SKAP2: variants seen among roughly 807,000 people sequenced by gnomAD.
SKAP2 encodes src kinase-associated phosphoprotein 2.
SKAP2 carries 28 observed loss-of-function variants against 54.9 expected under a neutral mutation model. That is an observed-to-expected ratio of 0.51 (90% CI 0.38 to 0.70). SKAP2 has a LOEUF of 0.70. SKAP2 is among the 30% of genes least tolerant of loss of function. SKAP2 has a pLI of 0.00. For synonymous variants in SKAP2, 137 were observed against 134.3 expected, an observed-to-expected ratio of 1.02 and a Z score of -0.14; for missense variants, 356 against 424.1, an observed-to-expected ratio of 0.84 and a Z score of 1.41.
At chr7:26,855,223 G>A in intron 1 of SKAP2, 1 of 167,334 alleles carries the variant, frequency 6.0e-6, no homozygotes. Context: ...TTATATGGAA[G>A]CAAGCACCAA....
intron 4 of SKAP2, among the ~76,000 whole-genome samples, chr7:26,841,250 T>A (rs1472938408): frequency 6.6e-6 from 1 of 151,844 alleles, no homozygotes; most frequent in Non-Finnish European, 1.5e-5. Context: ...CAAAACTGCA[T>A]CTAACCCTTT....
intron 4 of SKAP2, among the ~76,000 whole-genome samples, chr7:26,769,293 T>C (rs1303640143): frequency 6.6e-6 from 1 of 152,232 alleles, no homozygotes; most frequent in Non-Finnish European, 1.5e-5. Context: ...TGCTGTGTTT[T>C]TCAGCTCCAT....
chr7:26,701,458 C>T (rs546971619), intron 9 of SKAP2, among the ~76,000 whole-genome samples: 86 of 152,194 alleles, frequency 5.7e-4, no homozygotes, highest in African/African-American at 2.0e-3. Flanking sequence ...TCAGGCTGGG[C>T]GCAGTGGCTC....
In SKAP2 at chr7:26,753,708, C is replaced by T. The variant is rs74690620; in HGVS notation, c.308-13744G>A. On this transcript the variant is annotated intron_variant, in intron 4 of 12. Transcript: ENST00000345317. Reference sequence around the variant, plus strand: ...AGTTGCCTGCATGTGTTGGTTCATTCATCAGGCAGTTACCGAGCATCCACT... The same window carrying T: ...AGTTGCCTGCATGTGTTGGTTCATTTATCAGGCAGTTACCGAGCATCCACT... 4.1e-3 allele frequency among the ~76,000 whole-genome samples: 631 copies of T among 152,258 alleles called. 6 individuals carry two copies. The highest frequency in any genetic ancestry group is 0.015 in the African/African-American group (605 of 41,544).
rs570840 is a variant in SKAP2, at chr7:26,822,520, T to A, written c.307+21510A>T. 3.3e-5 allele frequency among the ~76,000 whole-genome samples: 5 copies of A among 151,628 alleles called. No homozygotes were observed. The East Asian group carries it at 7.8e-4, about 24-fold the overall frequency. ...ACAACTCAACCTTCCCCTATCTCTC[T>A]GCCTCTCCTTGGGCTTCCTTATTCC... On this transcript the variant is annotated intron_variant, in intron 4 of 12. Transcript: ENST00000345317.
intron 4 of SKAP2, among the ~76,000 whole-genome samples, chr7:26,758,379 AAATTT>A (rs1488407364): frequency 2.0e-5 from 3 of 152,314 alleles, no homozygotes; most frequent in Middle Eastern, 3.4e-3. Context: ...TTCATCTATA[AAATTT>A]AATTTAATCA....
At position 26,720,748 on chromosome 7, in the gene SKAP2, G is replaced by A. The variant is rs149643578; in HGVS notation, c.796+4680C>T. 4.8e-3 allele frequency among the ~76,000 whole-genome samples: 735 copies of A among 152,234 alleles called. 6 individuals are homozygous for A. Among genetic ancestry groups the A allele is most frequent in the African/African-American group, 0.017 (691 of 41,534 alleles). On this transcript the variant is annotated intron_variant, in intron 9 of 12. Coordinates refer to ENST00000345317, the MANE Select transcript of SKAP2 (RefSeq NM_003930.5). ...GAATGAGTGCCCAGCAAAGGGGTGA[G>A]CCCCTTATAAAACCATCAGATCTCA...
chr7:26,660,263 T>C, the SKAP2 span, among the ~76,000 whole-genome samples: 282 of 152,248 alleles, frequency 1.9e-3, 2 homozygotes, highest in African/African-American at 6.5e-3. Context: ...TTTTCAGTTA[T>C]GCAAAAATAG....
intron 6 of SKAP2, among the ~76,000 whole-genome samples, chr7:26,728,628 G>A (rs78529293): frequency 2.0e-5 from 3 of 152,028 alleles, no homozygotes; most frequent in South Asian, 2.1e-4. Flanking sequence ...AAACCAGCAC[G>A]CAGCATTATA....
chr7:26,794,910 T>C (rs1297560441), intron 4 of SKAP2, among the ~76,000 whole-genome samples: 2 of 152,236 alleles, frequency 1.3e-5, no homozygotes, highest in South Asian at 2.1e-4. Flanking sequence ...CCCCTGTACG[T>C]ATATAAGTTC....
At chr7:26,733,477 AC>A (rs1337917267) in intron 6 of SKAP2, among the ~76,000 whole-genome samples, 2 of 152,060 alleles carry the variant, frequency 1.3e-5, no homozygotes, top group African/African-American at 4.8e-5. Flanking sequence ...AAACAACAGA[AC>A]TTTTAATTAT....
intron 4 of SKAP2, among the ~76,000 whole-genome samples, chr7:26,802,277 G>GT (rs34323117): frequency 0.22 from 25,468 of 118,386 alleles, 2,925 homozygotes; most frequent in Non-Finnish European, 0.25. Context: ...TTTTTTTTTG[G>GT]TTTTTTTTTT....
chr7:26,720,794 C>T (rs778299596), intron 9 of SKAP2, among the ~76,000 whole-genome samples: 3 of 152,152 alleles, frequency 2.0e-5, no homozygotes, highest in Admixed American at 6.5e-5. Context: ...CTCACTATCA[C>T]GAGAACTGGA....
At chr7:26,825,639 G>T (rs573030961) in intron 4 of SKAP2, among the ~76,000 whole-genome samples, 2 of 148,818 alleles carry the variant, frequency 1.3e-5, no homozygotes, top group African/African-American at 4.9e-5. Flanking sequence ...CTTATGAAAG[G>T]TTTGAAGAAT....
At chr7:26,705,039 A>G (rs183488560) in intron 9 of SKAP2, among the ~76,000 whole-genome samples, 1 of 152,334 alleles carries the variant, frequency 6.6e-6, no homozygotes, top group Admixed American at 6.5e-5. Context: ...AGTGTCCCAG[A>G]GTAGCAGATG....
chr7:26,701,173 A>C (rs1787013609), intron 9 of SKAP2, among the ~76,000 whole-genome samples: 1 of 152,192 alleles, frequency 6.6e-6, no homozygotes, highest in Admixed American at 6.5e-5. Flanking sequence ...TTGGCTAGCT[A>C]GGTATTTTAT....
chr7:26,860,773 C>A (rs1363350757), intron 1 of SKAP2, among the ~76,000 whole-genome samples: 1 of 15,798 alleles, frequency 6.3e-5, no homozygotes, highest in African/African-American at 2.8e-4. Context: ...CACCTAGTGC[C>A]CCTACAGGAA....
chr7:26,686,503 T>G (rs1584330310), intron 10 of SKAP2, among the ~76,000 whole-genome samples: 2 of 152,208 alleles, frequency 1.3e-5, no homozygotes, highest in East Asian at 3.9e-4. Context: ...TTCATTACAT[T>G]TTTTTCCCCA....
At chr7:26,728,333 T>C (rs1192474854) in intron 6 of SKAP2, among the ~76,000 whole-genome samples, 2 of 152,202 alleles carry the variant, frequency 1.3e-5, no homozygotes, top group Admixed American at 1.3e-4. Context: ...GCAGTTTTGT[T>C]AGTTCAGGCC....
Sources: gnomAD v4.1 joint callset for allele counts (sites outside exome capture counted in the v4.1 genomes callset) on GRCh38, gnomAD v4.1.1 for gene constraint, MANE v1.5 for transcripts, NCBI Gene and HGNC (gene_info 2026-07-23, HGNC 2026-07-21) for gene names.